SLC35A3: variants seen among roughly 807,000 people sequenced by gnomAD.
The protein encoded by SLC35A3 is UDP-N-acetylglucosamine transporter.
A neutral mutation model predicts 39.0 loss-of-function variants in SLC35A3; 26 were observed. The ratio of observed to expected loss-of-function variants is 0.67; its 90% CI spans 0.49 to 0.92. SLC35A3 has a LOEUF of 0.92. Among genes scored for constraint, SLC35A3 ranks in the 40% least tolerant of loss-of-function variants. The pLI, the probability that SLC35A3 is intolerant of heterozygous loss-of-function variation, is 0.00. For missense variants in SLC35A3, 299 were observed against 371.6 expected, an observed-to-expected ratio of 0.80 and a Z score of 1.61; for synonymous variants, 135 against 133.1, an observed-to-expected ratio of 1.01 and a Z score of -0.10.
At chr1:99,987,214 T>C (rs2101089807) in intron 1 of SLC35A3, among the ~76,000 whole-genome samples, 1 of 152,366 alleles carries the variant, frequency 6.6e-6, no homozygotes, top group South Asian at 2.1e-4. Context: ...ACTATTTTCG[T>C]CATTTTAAAG....
intron 3 of SLC35A3, among the ~76,000 whole-genome samples, chr1:99,999,648 A>G (rs1390589741): frequency 2.0e-5 from 3 of 152,094 alleles, no homozygotes; most frequent in African/African-American, 4.8e-5. Context: ...ATTGTTAACC[A>G]TAGTCACCTT....
rs1661182301 is a variant in SLC35A3, at chr1:100,030,990, C to G, written c.*8514C>G. ...TGCTATGAATTCTAGAATTTTAAAA[C>G]CTGCCACACTTATTTTGGATGTTAT... On this transcript the variant is annotated 3_prime_UTR_variant, in exon 8 of 8. Transcript: ENST00000533028. The G allele has an allele frequency of 1.3e-5, 2 of 152,076 alleles. No individual in the cohort carries two copies. Among genetic ancestry groups the G allele is most frequent in the Non-Finnish European group, 2.9e-5 (2 of 68,016 alleles). The allele number at this position is 152,076 out of a possible 1,614,324, so 9.4% of individuals were successfully genotyped here. A position where few individuals can be genotyped will look rare whatever the true frequency, so the allele number is the denominator to read the frequency against.
At chr1:100,021,223 G>T (rs891887509) in intron 7 of SLC35A3, among the ~76,000 whole-genome samples, 2 of 152,022 alleles carry the variant, frequency 1.3e-5, no homozygotes, top group Non-Finnish European at 2.9e-5. Flanking sequence ...AATTAGCGGG[G>T]TGTGGTGGTG....
chr1:99,998,001 T>G (rs569451111), intron 2 of SLC35A3, among the ~76,000 whole-genome samples: 2 of 152,234 alleles, frequency 1.3e-5, no homozygotes, highest in South Asian at 4.2e-4. Context: ...GATGGCACCT[T>G]GACCCATTAG....
chr1:99,979,212 A>G (rs1237900473), intron 1 of SLC35A3, among the ~76,000 whole-genome samples: 1 of 152,208 alleles, frequency 6.6e-6, no homozygotes, highest in Non-Finnish European at 1.5e-5. Context: ...CAAAATTAAT[A>G]TAACTGAGTT....
intron 4 of SLC35A3, among the ~76,000 whole-genome samples, chr1:100,011,109 T>C (rs1336841092): frequency 1.3e-5 from 2 of 152,208 alleles, no homozygotes; most frequent in Non-Finnish European, 2.9e-5. Flanking sequence ...CAAGGTAGCA[T>C]TGGTCTCTGT....
chr1:99,973,674 GA>G (rs1013851213), intron 1 of SLC35A3, among the ~76,000 whole-genome samples: 12 of 152,176 alleles, frequency 7.9e-5, no homozygotes, highest in Non-Finnish European at 1.5e-5. Flanking sequence ...AAGTTTGATT[GA>G]AAAGGTATGC....
At chr1:99,990,573 A>AAAAT (rs924321961) in intron 1 of SLC35A3, among the ~76,000 whole-genome samples, 5 of 152,346 alleles carry the variant, frequency 3.3e-5, no homozygotes, top group South Asian at 2.1e-4. Context: ...TCCGTCTCAA[A>AAAAT]AAATAAATAA....
intron 6 of SLC35A3, 192 bp downstream of exon 6, chr1:100,015,612 T>C (rs1660044401): frequency 5.8e-6 from 3 of 514,776 alleles, no homozygotes; most frequent in East Asian, 3.5e-5. Context: ...TGTACAGGGG[T>C]CTTTAATGAA....
At position 100,032,524 on chromosome 1, in the gene SLC35A3, C is replaced by G. The variant is rs544593936; in HGVS notation, c.*10048C>G. On this transcript the variant is annotated 3_prime_UTR_variant, in exon 8 of 8. Transcript: ENST00000533028. ...GCTCATATATATTGTGAGCCTCTAG[C>G]CCATGTAAGTCACAGCAAGCTAGCT... 1 of 152,254 alleles carries G rather than the reference C, an allele frequency of 6.6e-6. No individual in the cohort carries two copies. 9.4% of individuals were successfully genotyped at this position (152,254 alleles called of 1,614,324 possible). A position where few individuals can be genotyped will look rare whatever the true frequency, so the allele number is the denominator to read the frequency against.
At position 100,027,015 on chromosome 1, in the gene SLC35A3, G is replaced by A. The variant is rs1357864986; in HGVS notation, c.*4539G>A. 3 of 394,610 alleles carry A rather than the reference G, an allele frequency of 7.6e-6. No homozygotes were observed. Among genetic ancestry groups the A allele is most frequent in the African/African-American group, 2.1e-5 (1 of 48,486 alleles). 24.4% of individuals were successfully genotyped at this position (394,610 alleles called of 1,614,324 possible). A position where few individuals can be genotyped will look rare whatever the true frequency, so the allele number is the denominator to read the frequency against. ...TATTTCCTTATTTTCCTATTTACCTGTGTCTATGACCTAACCTATGAATTA... is the reference window on the plus strand; with the variant it reads ...TATTTCCTTATTTTCCTATTTACCTATGTCTATGACCTAACCTATGAATTA... On this transcript the variant is annotated 3_prime_UTR_variant, in exon 8 of 8. Coordinates refer to ENST00000533028, the MANE Select transcript of SLC35A3 (RefSeq NM_012243.3).
intron 5 of SLC35A3, among the ~76,000 whole-genome samples, chr1:100,014,887 C>T (rs976676324): frequency 3.3e-5 from 5 of 151,918 alleles, no homozygotes; most frequent in African/African-American, 9.7e-5. Context: ...TGGCTGGGCA[C>T]GTAACTCACA....
Position 100,029,914 on chromosome 1 carries a change from A to G in SLC35A3, c.*7438A>G, listed in dbSNP as rs1025670908. On this transcript the variant is annotated 3_prime_UTR_variant, in exon 8 of 8. Coordinates refer to ENST00000533028, the MANE Select transcript of SLC35A3 (RefSeq NM_012243.3). ...ATTTAGTTTTCACTTCTTATGTTTAATGACAACTTTATAAATGCTGGACTA... is the reference window on the plus strand; with the variant it reads ...ATTTAGTTTTCACTTCTTATGTTTAGTGACAACTTTATAAATGCTGGACTA... 3 of 152,158 alleles carry G rather than the reference A, an allele frequency of 2.0e-5. No individual in the cohort carries two copies. The highest frequency in any genetic ancestry group is 4.4e-5 in the Non-Finnish European group (3 of 68,020). The allele number at this position is 152,158 out of a possible 1,614,324, so 9.4% of individuals were successfully genotyped here.
intron 1 of SLC35A3, among the ~76,000 whole-genome samples, chr1:99,979,471 T>C (rs940714255): frequency 1.2e-4 from 18 of 150,984 alleles, no homozygotes; most frequent in African/African-American, 4.4e-4. Context: ...TCTCACTCTG[T>C]TGCTCAGGCT....
rs558935919 is a variant in SLC35A3 at position 100,034,011 on chromosome 1, T to G, written c.*11535T>G. Reference sequence around the variant, plus strand: ...GGAGCCTAGATACTTAAAGTACACCTTGGCCATGTAGAAAATCCTTGACAA... The same window carrying G: ...GGAGCCTAGATACTTAAAGTACACCGTGGCCATGTAGAAAATCCTTGACAA... On this transcript the variant is annotated 3_prime_UTR_variant, in exon 8 of 8. Transcript: ENST00000533028. 3 of 152,312 alleles carry G rather than the reference T, an allele frequency of 2.0e-5. No individual in the cohort carries two copies. The South Asian group carries it at 6.2e-4, about 32-fold the overall frequency. 9.4% of individuals were successfully genotyped at this position (152,312 alleles called of 1,614,324 possible).
Position 100,017,720 on chromosome 1 carries a change from T to C in SLC35A3, c.792T>C (p.Tyr264=). Residue 264 remains tyrosine (Y), a synonymous_variant, in exon 7 of 8, where the codon TAT becomes TAC. Transcript: ENST00000533028. ...GGLVIAAVIK[Y]ADNILKGFAT... ...TTGTAATAGCTGCTGTTATTAAGTATGCAGATAATATTTTAAAAGGATTTG... is the reference window on the plus strand; with the variant it reads ...TTGTAATAGCTGCTGTTATTAAGTACGCAGATAATATTTTAAAAGGATTTG... 1.2e-5 allele frequency: 19 copies of C among 1,576,340 alleles called. No homozygotes were observed. Among genetic ancestry groups the C allele is most frequent in the Non-Finnish European group, 1.5e-5 (18 of 1,162,204 alleles).
At chr1:99,985,693 C>T (rs950546210) in intron 1 of SLC35A3, among the ~76,000 whole-genome samples, 2 of 152,156 alleles carry the variant, frequency 1.3e-5, no homozygotes, top group Non-Finnish European at 2.9e-5. Flanking sequence ...TCTACGCATC[C>T]GTGAGTGTGG....
In SLC35A3 at chr1:100,034,992, G is replaced by A. The variant is rs1335426137; in HGVS notation, c.*12516G>A. The A allele has an allele frequency of 1.3e-5, 2 of 152,112 alleles. No individual in the cohort carries two copies. The highest frequency in any genetic ancestry group is 1.3e-4 in the Admixed American group (2 of 15,272). 9.4% of individuals were successfully genotyped at this position (152,112 alleles called of 1,614,324 possible). A position where few individuals can be genotyped will look rare whatever the true frequency, so the allele number is the denominator to read the frequency against. ...AGTACTAGTTTGTTAGCCAGTGTTA[G>A]TTTCTGTTGATCCTAACCAAAAAAC... is the stretch of plus-strand genomic sequence containing the variant. On this transcript the variant is annotated 3_prime_UTR_variant, in exon 8 of 8. Coordinates refer to ENST00000533028, the MANE Select transcript of SLC35A3 (RefSeq NM_012243.3).
chr1:99,980,956 C>T (rs1657418570), intron 1 of SLC35A3, among the ~76,000 whole-genome samples: 1 of 152,136 alleles, frequency 6.6e-6, no homozygotes, highest in African/African-American at 2.4e-5. Context: ...TGCTCTTCTT[C>T]TTGAGTACTG....
Sources: allele counts gnomAD v4.1 joint callset (sites outside exome capture counted in the v4.1 genomes callset), GRCh38; gene constraint gnomAD v4.1.1; transcripts MANE v1.5; gene names NCBI Gene and HGNC (gene_info 2026-07-23, HGNC 2026-07-21).